Variants in TRAPPC8 observed in about 807,000 individuals in gnomAD.
The protein encoded by TRAPPC8 is general sporulation gene 1 homolog.
Under a neutral mutation model 174.3 loss-of-function variants are expected in TRAPPC8, and 54 were observed. That is an observed-to-expected ratio of 0.31 (90% confidence interval 0.25 to 0.39). The LOEUF (loss-of-function observed/expected upper bound fraction) is 0.39, where lower values mean the gene tolerates loss of function less well. Ranked by LOEUF, TRAPPC8 falls within the 10% of genes least tolerant of loss-of-function variation. The probability of loss-of-function intolerance (pLI) is 1.00; values close to 1 mark genes in which losing one functional copy is unlikely to be tolerated. For synonymous variants in TRAPPC8, 630 were observed against 579.9 expected (o/e 1.09, Z -1.24); for missense variants, 1,531 against 1,699.1 (o/e 0.90, Z 1.74).
Position 31,870,902 on chromosome 18 carries a change from GAAAT to G in TRAPPC8, c.2257+20_2257+23del. 1.4e-6 allele frequency: 2 copies of G among 1,472,538 alleles called. No individual in the cohort carries two copies. The highest frequency in any genetic ancestry group is 1.8e-6 in the Non-Finnish European group (2 of 1,098,826). 91.2% of individuals were successfully genotyped at this position (1,472,538 alleles called of 1,614,324 possible). A position where few individuals can be genotyped will look rare whatever the true frequency, so the allele number is the denominator to read the frequency against. ...CTGTAAGTAAAACAAATAAAAAACA[GAAAT>G]AAAAATTCAAGTATATCACCTTCTA... On this transcript the variant is annotated intron_variant, in intron 15 of 28. Coordinates refer to ENST00000283351, the MANE Select transcript of TRAPPC8 (RefSeq NM_014939.5).
intron 19 of TRAPPC8, among the ~76,000 whole-genome samples, chr18:31,862,829 G>A (rs937011491): frequency 2.0e-5 from 3 of 152,078 alleles, no homozygotes; most frequent in African/African-American, 7.2e-5. Context: ...GCCGAGGTGG[G>A]CGGATCAGGA....
intron 2 of TRAPPC8, among the ~76,000 whole-genome samples, chr18:31,922,583 G>C (rs994387422): frequency 1.3e-5 from 2 of 152,034 alleles, no homozygotes; most frequent in Non-Finnish European, 2.9e-5. Context: ...GACAGAGCAA[G>C]ACCCTGTCTC....
At chr18:31,864,996 A>G (rs1482744519) in intron 18 of TRAPPC8, among the ~76,000 whole-genome samples, 2 of 152,100 alleles carry the variant, frequency 1.3e-5, no homozygotes, top group Non-Finnish European at 2.9e-5. Flanking sequence ...GGTTTTAGAT[A>G]TACTTTGCAA....
In TRAPPC8 at chr18:31,870,485, C is replaced by T. The variant is rs760660849; in HGVS notation, c.2275G>A (p.Val759Met). ...ACTTTCAAAGGGTTTCTAAAAGCCA[C>T]TTCCACTGTAATTGGTTCTATTAAA... Reference protein sequence around the residue: ...AVVEEPITVEVAFRNPLKVLL... With the variant: ...AVVEEPITVEMAFRNPLKVLL... Residue 759 changes from valine (V) to methionine (M), a missense_variant, in exon 16 of 29, where the codon GTG becomes ATG. By Grantham distance (21) the Val-to-Met change is conservative (BLOSUM62 1). Transcript: ENST00000283351. The T allele has an allele frequency of 6.2e-7, 1 of 1,611,400 alleles. No individual in the cohort carries two copies. Among genetic ancestry groups the T allele is most frequent in the South Asian group, 1.1e-5 (1 of 90,468 alleles).
At chr18:31,852,371 T>C in intron 24 of TRAPPC8, 75 bp downstream of exon 24, 1 of 1,560,890 alleles carries the variant, frequency 6.4e-7, no homozygotes, top group Non-Finnish European at 8.8e-7. Context: ...ATTACTGCGA[T>C]AAGCCTTGCC....
intron 13 of TRAPPC8, 75 bp downstream of exon 13, chr18:31,874,405 A>G: frequency 7.2e-7 from 1 of 1,395,634 alleles, no homozygotes; most frequent in Non-Finnish European, 1.0e-6. Flanking sequence ...CTATCGTAAG[A>G]TATGGTAATA....
In TRAPPC8 at chr18:31,839,325, A is replaced by C. The variant is rs1313082080; in HGVS notation, c.3970T>G (p.Phe1324Val). The C allele has an allele frequency of 6.3e-7, 1 of 1,597,862 alleles. No homozygotes were observed. Among genetic ancestry groups the C allele is most frequent in the Non-Finnish European group, 8.5e-7 (1 of 1,174,072 alleles). Residue 1324 changes from phenylalanine (F) to valine (V), a missense_variant, in exon 27 of 29, where the codon TTT (phenylalanine) becomes GTT (valine). Phe to Val is a conservative substitution (Grantham distance 50). Transcript: ENST00000283351. ...TAAAGCTCAAACCTTTTTTGATGAA[A>C]TGGATGATTAAATGATTCTGGGTAG... ...LHYPESFNHP[F>V]HQKSLCLVPV... is the part of the protein sequence containing the mutation.
At chr18:31,853,826 T>C (rs1385439504) in intron 22 of TRAPPC8, 23 bp downstream of exon 22, 2 of 1,564,766 alleles carry the variant, frequency 1.3e-6, no homozygotes, top group South Asian at 2.3e-5. Context: ...AAATTTATTA[T>C]GTAGCAGGAA....
intron 11 of TRAPPC8, among the ~76,000 whole-genome samples, chr18:31,891,582 GAA>G (rs1361999656): frequency 1.3e-5 from 2 of 152,074 alleles, no homozygotes; most frequent in Admixed American, 1.3e-4. Context: ...TCTTTTGACT[GAA>G]AGAGTCATCA....
At chr18:31,831,436 T>C (rs1480607889) in intron 28 of TRAPPC8, among the ~76,000 whole-genome samples, 1 of 152,226 alleles carries the variant, frequency 6.6e-6, no homozygotes, top group Non-Finnish European at 1.5e-5. Flanking sequence ...AATAGCAACA[T>C]CATTACTATA....
chr18:31,923,364 A>C (rs985415543), intron 2 of TRAPPC8, among the ~76,000 whole-genome samples: 3 of 152,212 alleles, frequency 2.0e-5, no homozygotes, highest in Non-Finnish European at 4.4e-5. Flanking sequence ...ATCCCTGTAT[A>C]TAACAGACTT....
intron 9 of TRAPPC8, among the ~76,000 whole-genome samples, chr18:31,901,628 G>A (rs1245715840): frequency 1.3e-5 from 2 of 152,188 alleles, no homozygotes; most frequent in Non-Finnish European, 2.9e-5. Flanking sequence ...AATGAAGAAT[G>A]AATTCTGGTG....
chr18:31,873,520 G>A lies in TRAPPC8; in HGVS notation c.1972C>T (p.Pro658Ser), dbSNP rs758649644. ...YVYKNVSQLS[P>S]DGPLPQLPLP... ...GGAAGCTGTGGCAAAGGACCATCTGGTGACAGCTGACTTACATTCTGAGAG... is the reference window on the plus strand; with the variant it reads ...GGAAGCTGTGGCAAAGGACCATCTGATGACAGCTGACTTACATTCTGAGAG... The change falls in exon 14 of 29, where the codon CCA becomes TCA. Residue 658 changes from proline to serine, a missense_variant. Physicochemically the swap from Pro to Ser is moderately conservative, Grantham distance 74 (BLOSUM62 -1). Transcript: ENST00000283351. 1 of 1,612,890 alleles carries A rather than the reference G, an allele frequency of 6.2e-7. No homozygotes were observed. The highest frequency in any genetic ancestry group is 8.5e-7 in the Non-Finnish European group (1 of 1,179,456).
At chr18:31,851,257 T>C (rs899567265) in intron 24 of TRAPPC8, among the ~76,000 whole-genome samples, 6 of 152,150 alleles carry the variant, frequency 3.9e-5, no homozygotes, top group South Asian at 2.1e-4. Context: ...TTAAAATGCA[T>C]ACTCCCAAAG....
chr18:31,892,067 G>T (rs575185975), intron 11 of TRAPPC8, among the ~76,000 whole-genome samples: 20 of 152,290 alleles, frequency 1.3e-4, no homozygotes, highest in African/African-American at 4.8e-4. Flanking sequence ...GAAATACTTA[G>T]GGGAGCTTGG....
At chr18:31,871,954 G>A (rs1178933930) in intron 14 of TRAPPC8, among the ~76,000 whole-genome samples, 1 of 151,926 alleles carries the variant, frequency 6.6e-6, no homozygotes, top group Admixed American at 6.6e-5. Flanking sequence ...GCCATCGAGA[G>A]CTTTAAAATA....
At chr18:31,887,031 G>GA (rs1199820469) in intron 12 of TRAPPC8, among the ~76,000 whole-genome samples, 2 of 152,112 alleles carry the variant, frequency 1.3e-5, no homozygotes, top group African/African-American at 4.8e-5. Flanking sequence ...AGGACTAAGA[G>GA]AAACGGCATT....
Position 31,849,578 on chromosome 18 carries a change from G to T in TRAPPC8, c.3723C>A (p.Val1241=). The T allele has an allele frequency of 6.2e-7, 1 of 1,606,698 alleles. No individual in the cohort carries two copies. Among genetic ancestry groups the T allele is most frequent in the South Asian group, 1.1e-5 (1 of 89,410 alleles). Residue 1241 remains valine, a synonymous_variant, in exon 25 of 29, where the codon GTC becomes GTA. Coordinates refer to ENST00000283351, the MANE Select transcript of TRAPPC8 (RefSeq NM_014939.5). The stretch of plus-strand genomic sequence containing the variant: ...TAGTAGCACATACCTTCCATAATAT[G>T]ACAATATTCAAATCTACCTCACTGC... ...QKCSEVDLNI[V]ILWKAYVVED...
intron 1 of TRAPPC8, among the ~76,000 whole-genome samples, chr18:31,932,997 C>CAAAAAAAAAAAAA (rs35234467): frequency 4.7e-5 from 2 of 42,682 alleles, no homozygotes; most frequent in African/African-American, 3.0e-4. Context: ...GACTCCGTCT[C>CAAAAAAAAAAAAA]AAAAAAAAAA....
Sources: allele counts gnomAD v4.1 joint callset (sites outside exome capture counted in the v4.1 genomes callset), GRCh38; gene constraint gnomAD v4.1.1; transcripts MANE v1.5; gene names NCBI Gene and HGNC (gene_info 2026-07-23, HGNC 2026-07-21).